The following MAN1C1 variants were observed in gnomAD, a reference collection of about 807,000 sequenced individuals.
MAN1C1 encodes mannosidase alpha class 1C member 1, also known as mannosyl-oligosaccharide 1,2-alpha-mannosidase IC.
In MAN1C1, 49 loss-of-function variants were observed where a neutral mutation model predicts 71.5. The observed-to-expected ratio is 0.69, with a 90% CI of 0.54 to 0.87. The LOEUF (loss-of-function observed/expected upper bound fraction) is 0.87, where lower values mean the gene tolerates loss of function less well. Ranked by LOEUF, MAN1C1 falls within the 40% of genes least tolerant of loss-of-function variation. MAN1C1 has a pLI of 0.00. For synonymous variants in MAN1C1, 352 were observed against 343.7 expected, an observed-to-expected ratio of 1.02 and a Z score of -0.27; for missense variants, 743 against 835.0, an observed-to-expected ratio of 0.89 and a Z score of 1.36.
chr1:25,630,027 T>G (rs2045355905), intron 1 of MAN1C1, among the ~76,000 whole-genome samples: 1 of 152,202 alleles, frequency 6.6e-6, no homozygotes, highest in South Asian at 2.1e-4. Context: ...GTTTCAGGTC[T>G]TAGATTTAAG....
chr1:25,704,739 C>T (rs1330917974), intron 2 of MAN1C1, among the ~76,000 whole-genome samples: 1 of 152,212 alleles, frequency 6.6e-6, no homozygotes, highest in Non-Finnish European at 1.5e-5. Context: ...TTTCTCATCT[C>T]AGCAGGCAGG....
At chr1:25,649,396 G>C (rs1444797430) in intron 1 of MAN1C1, among the ~76,000 whole-genome samples, 2 of 152,242 alleles carry the variant, frequency 1.3e-5, no homozygotes, top group Admixed American at 1.3e-4. Context: ...TGAGTCCACA[G>C]TGTGGGACCT....
intron 1 of MAN1C1, among the ~76,000 whole-genome samples, chr1:25,651,615 A>G (rs2045693878): frequency 6.6e-6 from 1 of 152,136 alleles, no homozygotes; most frequent in Non-Finnish European, 1.5e-5. Flanking sequence ...GCAGGGAGAG[A>G]CCAGTGCTGC....
chr1:25,686,394 A>G, intron 1 of MAN1C1, 46 bp from the exon 2 acceptor site: 1 of 1,545,034 alleles, frequency 6.5e-7, no homozygotes, highest in Non-Finnish European at 8.9e-7. Context: ...GCGCACTGCC[A>G]GGAATCGTCA....
At chr1:25,765,903 G>T (rs1417195868) in intron 7 of MAN1C1, among the ~76,000 whole-genome samples, 1 of 152,190 alleles carries the variant, frequency 6.6e-6, no homozygotes, top group Non-Finnish European at 1.5e-5. Context: ...ACACACTGCC[G>T]AATCCAAAAG....
chr1:25,674,952 G>T (rs1247324539), intron 1 of MAN1C1, among the ~76,000 whole-genome samples: 2 of 152,200 alleles, frequency 1.3e-5, no homozygotes, highest in African/African-American at 4.8e-5. Context: ...TCCATGGAGA[G>T]ATGGGAGTGG....
At chr1:25,630,254 C>G (rs192832301) in intron 1 of MAN1C1, among the ~76,000 whole-genome samples, 176 of 152,194 alleles carry the variant, frequency 1.2e-3, no homozygotes, top group African/African-American at 4.0e-3. Flanking sequence ...TTCCATGGGT[C>G]TATGTGCCTA....
chr1:25,724,606 G>A (rs1056192064), intron 2 of MAN1C1, among the ~76,000 whole-genome samples: 2 of 152,202 alleles, frequency 1.3e-5, no homozygotes, highest in South Asian at 4.1e-4. Flanking sequence ...AGAGAGTGGG[G>A]AGAGGCATCC....
rs889198809 is a variant in MAN1C1, at chr1:25,728,356, A to G, written c.638-18312A>G. ...ATCTCTGTGGTTCCTCGCTGCTTGC[A>G]AAGCACTCACACTTGTCATCGTATT... On this transcript the variant is annotated intron_variant, in intron 2 of 11. Transcript: ENST00000374332. 3.9e-5 allele frequency among the ~76,000 whole-genome samples: 6 copies of G among 152,266 alleles called. No individual in the cohort carries two copies. The East Asian group carries it at 9.7e-4, about 25-fold the overall frequency.
chr1:25,777,759 A>G (rs546641273), intron 8 of MAN1C1: 9 of 216,480 alleles, frequency 4.2e-5, no homozygotes, highest in Middle Eastern at 1.5e-3. Context: ...TCCACAGGCC[A>G]GCTGGGCTTC....
chr1:25,740,679 ACC>A (rs2047050888), intron 2 of MAN1C1, among the ~76,000 whole-genome samples: 1 of 151,394 alleles, frequency 6.6e-6, no homozygotes, highest in African/African-American at 2.4e-5. Flanking sequence ...CTCGTGATCC[ACC>A]CGCCTTGGCC....
chr1:25,618,126 G>C lies in MAN1C1; in HGVS notation c.329G>C (p.Arg110Pro), dbSNP rs1380491267. The change falls in exon 1 of 12, where the codon CGG becomes CCG. Residue 110 changes from arginine to proline, a missense_variant. Transcript: ENST00000374332. ...ASPRRRKGGLRRTRPTGPREE... is the reference protein window; with the variant it reads ...ASPRRRKGGLPRTRPTGPREE... ...CCCCGCCGCAGGAAAGGGGGGCTGC[G>C]GCGCACCCGCCCCACTGGACCCCGC... is the stretch of plus-strand genomic sequence containing the variant. The C allele has an allele frequency of 2.0e-6, 3 of 1,515,174 alleles. No individual in the cohort carries two copies. The East Asian group carries it at 7.8e-5, about 39-fold the overall frequency. 93.9% of individuals were successfully genotyped at this position (1,515,174 alleles called of 1,614,324 possible). A position where few individuals can be genotyped will look rare whatever the true frequency, so the allele number is the denominator to read the frequency against.
chr1:25,718,192 G>A (rs926481177), intron 2 of MAN1C1, among the ~76,000 whole-genome samples: 9 of 152,048 alleles, frequency 5.9e-5, no homozygotes, highest in Admixed American at 1.3e-4. Flanking sequence ...AATAATCGTC[G>A]TGTTTGTTTG....
Position 25,730,616 on chromosome 1 carries a change from C to T in MAN1C1, c.638-16052C>T, listed in dbSNP as rs888564627. On this transcript the variant is annotated intron_variant, in intron 2 of 11. Coordinates refer to ENST00000374332, the MANE Select transcript of MAN1C1 (RefSeq NM_020379.4). The surrounding 1 kb of genome is among the most constrained non-coding windows in gnomAD (Gnocchi z 4.3). Reference sequence around the variant, plus strand: ...TGAAGCGGAGAGCTGTCTCCTGGGCCGTGGCACGTTTGCTGCATTTGTGAA... The same window carrying T: ...TGAAGCGGAGAGCTGTCTCCTGGGCTGTGGCACGTTTGCTGCATTTGTGAA... Among the ~76,000 whole-genome samples, 7 of 152,112 alleles carry T rather than the reference C, an allele frequency of 4.6e-5. No homozygotes were observed. Among genetic ancestry groups the T allele is most frequent in the African/African-American group, 1.2e-4 (5 of 41,410 alleles).
At chr1:25,655,498 C>T (rs879440815) in intron 1 of MAN1C1, among the ~76,000 whole-genome samples, 19 of 152,216 alleles carry the variant, frequency 1.2e-4, no homozygotes, top group Admixed American at 6.5e-4. Context: ...CTTTCCTTGG[C>T]TTCAAGGGAG....
At chr1:25,622,400 G>A (rs557055292) in intron 1 of MAN1C1, among the ~76,000 whole-genome samples, 2 of 152,316 alleles carry the variant, frequency 1.3e-5, no homozygotes, top group Admixed American at 6.5e-5. Flanking sequence ...ACCTAGAATA[G>A]GGTCTGACAT....
In MAN1C1 at chr1:25,704,024, C is replaced by T. The variant is rs546286247; in HGVS notation, c.637+17488C>T. On this transcript the variant is annotated intron_variant, in intron 2 of 11. Coordinates refer to ENST00000374332, the MANE Select transcript of MAN1C1 (RefSeq NM_020379.4). Reference sequence around the variant, plus strand: ...TCCCATCATCCAGCCTGCCCACAGACGCCCCTGCCACATGCTTCTGGCTGC... The same window carrying T: ...TCCCATCATCCAGCCTGCCCACAGATGCCCCTGCCACATGCTTCTGGCTGC... Among the ~76,000 whole-genome samples the T allele has an allele frequency of 2.2e-4, 34 of 152,314 alleles. No individual in the cohort carries two copies. The South Asian group carries it at 5.4e-3, about 24-fold the overall frequency.
intron 3 of MAN1C1, among the ~76,000 whole-genome samples, chr1:25,748,505 G>C (rs2047168952): frequency 6.6e-6 from 1 of 152,202 alleles, no homozygotes; most frequent in Non-Finnish European, 1.5e-5. Context: ...TGTTCACCCT[G>C]CACGGGAGGG....
intron 2 of MAN1C1, among the ~76,000 whole-genome samples, chr1:25,744,750 A>G (rs2047105391): frequency 1.3e-5 from 2 of 152,170 alleles, no homozygotes; most frequent in South Asian, 4.1e-4. Flanking sequence ...AGTCAACACA[A>G]GTGAGCAGTT....
Sources: gnomAD v4.1 joint callset for allele counts (sites outside exome capture counted in the v4.1 genomes callset) on GRCh38, gnomAD v4.1.1 for gene constraint, Gnocchi (gnomAD v3.1) non-coding constraint, MANE v1.5 for transcripts, NCBI Gene and HGNC (gene_info 2026-07-23, HGNC 2026-07-21) for gene names.